CELF2: variants seen among roughly 807,000 people sequenced by gnomAD.
CELF2 encodes the protein CUG triplet repeat RNA-binding protein 2.
In CELF2, 8 loss-of-function variants were observed where a neutral mutation model predicts 62.6. That is an observed-to-expected ratio of 0.13 (90% CI 0.07 to 0.23). The LOEUF (loss-of-function observed/expected upper bound fraction) is 0.23. CELF2 is among the 10% of genes least tolerant of loss of function. The pLI is 1.00. For missense variants in CELF2, 333 were observed against 671.0 expected, an observed-to-expected ratio of 0.50 and a Z score of 5.56; for synonymous variants, 258 against 250.0, an observed-to-expected ratio of 1.03 and a Z score of -0.30.
chr10:10,831,904 G>T (rs539013048), intron 1 of CELF2, among the ~76,000 whole-genome samples: 1 of 152,174 alleles, frequency 6.6e-6, no homozygotes, highest in African/African-American at 2.4e-5. Context: ...CCCGGGAGGC[G>T]GAGGTTGCAG....
At chr10:10,736,694 G>T in the CELF2 span, among the ~76,000 whole-genome samples, 1 of 151,958 alleles carries the variant, frequency 6.6e-6, no homozygotes, top group Non-Finnish European at 1.5e-5. Flanking sequence ...AAAAATGTCA[G>T]AGCTAATGTT....
chr10:10,556,233 C>A, the CELF2 span, among the ~76,000 whole-genome samples: 4 of 151,908 alleles, frequency 2.6e-5, no homozygotes, highest in East Asian at 5.8e-4. Flanking sequence ...CTTCCTGTGT[C>A]CATGTGTTCT....
At chr10:11,274,153 A>G (rs1415603899) in intron 7 of CELF2, among the ~76,000 whole-genome samples, 1 of 152,242 alleles carries the variant, frequency 6.6e-6, no homozygotes, top group Admixed American at 6.5e-5. Context: ...TGTACATTTG[A>G]ATATAGGAGA....
intron 3 of CELF2, among the ~76,000 whole-genome samples, chr10:11,233,414 C>T (rs143289517): frequency 1.1e-3 from 171 of 152,262 alleles, no homozygotes; most frequent in African/African-American, 3.9e-3. Flanking sequence ...CTTCTCACGC[C>T]GCGTGATTTC....
chr10:11,128,033 A>G lies in CELF2; in HGVS notation c.75-37453A>G, dbSNP rs190382200. 9.2e-5 allele frequency among the ~76,000 whole-genome samples: 14 copies of G among 152,286 alleles called. No individual in the cohort carries two copies. The East Asian group carries it at 2.5e-3, about 27-fold the overall frequency. On this transcript the variant is annotated intron_variant, in intron 1 of 12. Transcript: ENST00000633077. ...TTTTGGGTCTTACATTTAAGTCTTTAATCCATCTTGAATTAATTTTTGTAT... is the reference window on the plus strand; with the variant it reads ...TTTTGGGTCTTACATTTAAGTCTTTGATCCATCTTGAATTAATTTTTGTAT...
the CELF2 span, among the ~76,000 whole-genome samples, chr10:10,707,043 T>A: frequency 6.6e-6 from 1 of 151,284 alleles, no homozygotes; most frequent in Non-Finnish European, 1.5e-5. Flanking sequence ...GACTCAGGAG[T>A]TTTTCAACCC....
At chr10:10,468,248 T>C in the CELF2 span, among the ~76,000 whole-genome samples, 2 of 152,012 alleles carry the variant, frequency 1.3e-5, no homozygotes, top group Non-Finnish European at 2.9e-5. Context: ...TATCTTTCTT[T>C]GGCCCTCCAC....
intron 1 of CELF2, among the ~76,000 whole-genome samples, chr10:11,043,521 T>G (rs890681570): frequency 1.3e-5 from 2 of 152,178 alleles, no homozygotes; most frequent in African/African-American, 4.8e-5. Flanking sequence ...GGCTGGACTC[T>G]TTCTACTTGG....
the CELF2 span, among the ~76,000 whole-genome samples, chr10:10,709,661 T>C: frequency 6.6e-6 from 1 of 152,230 alleles, no homozygotes; most frequent in African/African-American, 2.4e-5. Context: ...TTTAAATGTT[T>C]TCCTTTTGTT....
At chr10:10,587,587 C>A in the CELF2 span, among the ~76,000 whole-genome samples, 1 of 152,208 alleles carries the variant, frequency 6.6e-6, no homozygotes, top group African/African-American at 2.4e-5. Context: ...TTTAACATAA[C>A]AATAAACATA....
chr10:10,683,395 T>C, the CELF2 span, among the ~76,000 whole-genome samples: 1 of 152,220 alleles, frequency 6.6e-6, no homozygotes, highest in Non-Finnish European at 1.5e-5. Context: ...TTTTGTTGAT[T>C]TTCATGCTTG....
chr10:10,605,512 T>C, the CELF2 span, among the ~76,000 whole-genome samples: 5 of 152,244 alleles, frequency 3.3e-5, no homozygotes, highest in African/African-American at 1.2e-4. Context: ...TCTGTCGTTA[T>C]AGCTGAATAC....
chr10:11,062,285 C>A (rs1462271324), intron 1 of CELF2, among the ~76,000 whole-genome samples: 1 of 152,180 alleles, frequency 6.6e-6, no homozygotes, highest in African/African-American at 2.4e-5. Flanking sequence ...TTCTGCAGCC[C>A]ATGGAGAGGA....
the CELF2 span, among the ~76,000 whole-genome samples, chr10:10,664,191 G>A: frequency 6.6e-6 from 1 of 151,998 alleles, no homozygotes; most frequent in Non-Finnish European, 1.5e-5. Flanking sequence ...AAAAATAATA[G>A]GCATATCAAT....
chr10:11,262,275 TTAAAA>T (rs1304354796), intron 5 of CELF2, among the ~76,000 whole-genome samples: 1 of 152,162 alleles, frequency 6.6e-6, no homozygotes, highest in African/African-American at 2.4e-5. Flanking sequence ...CTTTTGACTA[TTAAAA>T]CATGTACACA....
At chr10:10,775,667 G>A in the CELF2 span, among the ~76,000 whole-genome samples, 1 of 152,070 alleles carries the variant, frequency 6.6e-6, no homozygotes, top group Admixed American at 6.5e-5. Context: ...AGACCAGGAG[G>A]CAGAGCATCA....
chr10:11,150,774 G>A (rs566812196), intron 1 of CELF2, among the ~76,000 whole-genome samples: 22 of 152,294 alleles, frequency 1.4e-4, no homozygotes, highest in African/African-American at 4.8e-4. Flanking sequence ...TGGAGCTCCC[G>A]TCTCTCCAAT....
rs969450482 is a variant in CELF2 at position 11,220,255 on chromosome 10, C to G, written c.354+2748C>G. ...CTAGGGTTTTTTCCGATGTAATTTTCTTTTGCAGTTGATGTTTTGTTTCAT... is the reference window on the plus strand; with the variant it reads ...CTAGGGTTTTTTCCGATGTAATTTTGTTTTGCAGTTGATGTTTTGTTTCAT... On this transcript the variant is annotated intron_variant, in intron 3 of 12. Transcript: ENST00000633077. The surrounding 1 kb of genome is among the most constrained non-coding windows in gnomAD (Gnocchi z 4.4). Among the ~76,000 whole-genome samples the G allele has an allele frequency of 6.6e-6, 1 of 152,116 alleles. No homozygotes were observed. The highest frequency in any genetic ancestry group is 1.5e-5 in the Non-Finnish European group (1 of 68,010).
At chr10:10,687,319 G>T in the CELF2 span, among the ~76,000 whole-genome samples, 3 of 152,162 alleles carry the variant, frequency 2.0e-5, no homozygotes, top group Non-Finnish European at 4.4e-5. Context: ...AGATGAATTT[G>T]CTCTTTAAAA....
Sources: allele counts gnomAD v4.1 joint callset (sites outside exome capture counted in the v4.1 genomes callset), GRCh38; gene constraint gnomAD v4.1.1; non-coding constraint Gnocchi (gnomAD v3.1); transcripts MANE v1.5; gene names NCBI Gene and HGNC (gene_info 2026-07-23, HGNC 2026-07-21).